Variants in PAGE2 observed in about 807,000 individuals in gnomAD.
PAGE2 encodes the protein P antigen family member 2.
A neutral mutation model predicts 7.5 loss-of-function variants in PAGE2; 6 were observed. That is an observed-to-expected ratio of 0.80 (90% CI 0.44 to 1.57). The LOEUF (loss-of-function observed/expected upper bound fraction) is 1.57. Among genes scored for constraint, PAGE2 ranks in the 40% most tolerant of loss-of-function variants. The probability of loss-of-function intolerance (pLI) is 0.01; values close to 1 mark genes in which losing one functional copy is unlikely to be tolerated. For missense variants in PAGE2, 72 were observed against 76.4 expected, an observed-to-expected ratio of 0.94 and a Z score of 0.21; for synonymous variants, 22 against 25.4, an observed-to-expected ratio of 0.87 and a Z score of 0.41.
At position 55,089,863 on chromosome X, in the gene PAGE2, G is replaced by A. The variant is rs1244470878; in HGVS notation, c.-8-150G>A. On this transcript the variant is annotated intron_variant, in intron 1 of 4. Coordinates refer to ENST00000374968, the MANE Select transcript of PAGE2 (RefSeq NM_207339.4). ...AACAAATCTGTCCTTAGTTTGATTC[G>A]AAAGCATGTGTACTTATCATTGCTC... 6 of 443,674 alleles carry A rather than the reference G, an allele frequency of 1.4e-5. No individual in the cohort carries two copies. In the East Asian group the frequency reaches 2.0e-4, roughly 15 times the overall value. 36.6% of individuals were successfully genotyped at this position (443,674 alleles called of 1,213,427 possible).
At position 55,089,092 on chromosome X, in the gene PAGE2, A is replaced by G. The variant is rs745318736; in HGVS notation, c.-20A>G. ...CCATCTTGATTCTTTCTCACTGACCAAGACTCAGCCGGTAGGTCTGCAGAA... is the reference window on the plus strand; with the variant it reads ...CCATCTTGATTCTTTCTCACTGACCGAGACTCAGCCGGTAGGTCTGCAGAA... On this transcript the variant is annotated 5_prime_UTR_variant, in exon 1 of 5. Coordinates refer to ENST00000374968, the MANE Select transcript of PAGE2 (RefSeq NM_207339.4). 50 of 111,856 alleles carry G rather than the reference A, an allele frequency of 4.5e-4. No homozygotes were observed. The highest frequency in any genetic ancestry group is 1.1e-3 in the East Asian group (4 of 3,575). 9.2% of individuals were successfully genotyped at this position (111,856 alleles called of 1,213,427 possible).
At position 55,090,574 on chromosome X, in the gene PAGE2, G is replaced by T. The variant is rs1936647194; in HGVS notation, c.157G>T (p.Gly53Trp). The T allele has an allele frequency of 2.5e-6, 3 of 1,206,779 alleles. No individual in the cohort carries two copies. The highest frequency in any genetic ancestry group is 5.9e-5 in the East Asian group (2 of 33,797). ...TGATAATCAGGGTATTGCACCTAGT[G>T]GGGAGATTGAAAATCAAGCAGTGCC... ...PTDNQGIAPS[G>W]EIENQAVPAF... Residue 53 changes from glycine to tryptophan, a missense_variant, in exon 3 of 5, where the codon GGG becomes TGG. Transcript: ENST00000374968.
chrX:55,089,479 C>T (rs752829803), intron 1 of PAGE2, among the ~76,000 whole-genome samples: 12 of 110,146 alleles, frequency 1.1e-4, no homozygotes, highest in Non-Finnish European at 2.1e-4. Context: ...ACTGGGAGCG[C>T]GGTGGGCTGG....
Position 55,090,549 on chromosome X carries a change from T to G in PAGE2, c.132T>G (p.Thr44=), listed in dbSNP as rs1936646911. 1 of 1,204,725 alleles carries G rather than the reference T, an allele frequency of 8.3e-7. No homozygotes were observed. The highest frequency in any genetic ancestry group is 1.1e-6 in the Non-Finnish European group (1 of 893,633). ...AACGTCAAGAAGAGGAACCACCAACTGATAATCAGGGTATTGCACCTAGTG... is the reference window on the plus strand; with the variant it reads ...AACGTCAAGAAGAGGAACCACCAACGGATAATCAGGGTATTGCACCTAGTG... ...EEKRQEEEPP[T]DNQGIAPSGE... Residue 44 remains threonine, a synonymous_variant, in exon 3 of 5, where the codon ACT becomes ACG. Transcript: ENST00000374968.
chrX:55,090,702 G>A, intron 3 of PAGE2, 92 bp downstream of exon 3: 1 of 546,183 alleles, frequency 1.8e-6, no homozygotes, highest in Middle Eastern at 3.4e-4. Context: ...AGGACAGAAA[G>A]CATTAGGAAG....
intron 1 of PAGE2, 130 bp from the exon 2 acceptor site, chrX:55,089,883 T>A (rs1936638275): frequency 3.8e-6 from 2 of 522,134 alleles, no homozygotes; most frequent in South Asian, 6.6e-5. Context: ...GTACTTATCA[T>A]TGCTCTGTGA....
At position 55,090,048 on chromosome X, in the gene PAGE2, C is replaced by G; in HGVS notation, c.28C>G (p.Gln10Glu). ...GAGTGAGCTTCTAAGAGCAAGATCC[C>G]AATCCTCAGAAAGAGGAAATGACCA... MSELLRARS[Q>E]SSERGNDQES... The change falls in exon 2 of 5, where the codon CAA (glutamine) becomes GAA (glutamate). Residue 10 changes from glutamine (Q) to glutamate (E), a missense_variant. Physicochemically the swap from Gln to Glu is conservative, Grantham distance 29. Coordinates refer to ENST00000374968, the MANE Select transcript of PAGE2 (RefSeq NM_207339.4). The G allele has an allele frequency of 8.3e-7, 1 of 1,202,829 alleles. No homozygotes were observed. The highest frequency in any genetic ancestry group is 1.1e-6 in the Non-Finnish European group (1 of 889,337).
chrX:55,090,412 A>T, intron 2 of PAGE2, 90 bp from the exon 3 acceptor site: 1 of 886,334 alleles, frequency 1.1e-6, no homozygotes, highest in Non-Finnish European at 1.6e-6. Flanking sequence ...TATGTTGGAA[A>T]AATGTCTTTA....
chrX:55,089,796 A>G (rs1425750955), intron 1 of PAGE2, among the ~76,000 whole-genome samples: 24 of 110,855 alleles, frequency 2.2e-4, no homozygotes, highest in African/African-American at 8.1e-4. Flanking sequence ...GTCTTTTGCT[A>G]TGGCGTTAAG....
chrX:55,091,553 C>A, intron 4 of PAGE2, 96 bp downstream of exon 4: 1 of 1,142,642 alleles, frequency 8.8e-7, no homozygotes, highest in Non-Finnish European at 1.2e-6. Flanking sequence ...TAATATCATA[C>A]TTCACGTCTG....
At chrX:55,090,251 C>T (rs1361276512) in intron 2 of PAGE2, 147 bp downstream of exon 2, 78 of 682,496 alleles carry the variant, frequency 1.1e-4, no homozygotes, top group South Asian at 6.1e-5. Context: ...TTCAGGAATA[C>T]TATATTCTGG....
At chrX:55,089,963 ATAAC>A (rs1557255214) in intron 1 of PAGE2, 46 bp from the exon 2 acceptor site, 7 of 967,299 alleles carry the variant, frequency 7.2e-6, no homozygotes, top group Non-Finnish European at 8.7e-6. Context: ...GTTCATATAT[ATAAC>A]TAAGTTCTTA....
chrX:55,090,383 G>A (rs372565285), intron 2 of PAGE2, 119 bp from the exon 3 acceptor site: 1 of 685,061 alleles, frequency 1.5e-6, no homozygotes, highest in Non-Finnish European at 2.2e-6. Flanking sequence ...CTATCTATAT[G>A]TGTGTGTATG....
Position 55,090,527 on chromosome X carries a change from G to A in PAGE2, c.110G>A (p.Arg37His). Residue 37 changes from arginine to histidine, a missense_variant, in exon 3 of 5, where the codon CGT (arginine) becomes CAT (histidine). Arg to His is a conservative substitution (Grantham distance 29, BLOSUM62 0). Coordinates refer to ENST00000374968, the MANE Select transcript of PAGE2 (RefSeq NM_207339.4). ...VIVQEPTEEK[R>H]QEEEPPTDNQ... is the part of the protein sequence containing the mutation. Reference sequence around the variant, plus strand: ...GTCCAGGAGCCCACTGAGGAAAAACGTCAAGAAGAGGAACCACCAACTGAT... The same window carrying A: ...GTCCAGGAGCCCACTGAGGAAAAACATCAAGAAGAGGAACCACCAACTGAT... 8.3e-7 allele frequency: 1 copy of A among 1,205,978 alleles called. No individual in the cohort carries two copies. The highest frequency in any genetic ancestry group is 1.8e-5 in the African/African-American group (1 of 55,949).
At chrX:55,091,734 A>C (rs1936658549) in intron 4 of PAGE2, among the ~76,000 whole-genome samples, 1 of 80,136 alleles carries the variant, frequency 1.2e-5, no homozygotes, top group African/African-American at 3.7e-5. Flanking sequence ...GGTCAAAACT[A>C]ATTGGATTAC....
At chrX:55,089,978 C>T (rs1158877860) in intron 1 of PAGE2, 35 bp from the exon 2 acceptor site, 3 of 1,056,181 alleles carry the variant, frequency 2.8e-6, no homozygotes, top group Admixed American at 2.3e-5. Flanking sequence ...TAAGTTCTTA[C>T]ACACTTTTTC....
intron 1 of PAGE2, among the ~76,000 whole-genome samples, chrX:55,089,638 G>T (rs1043504387): frequency 1.9e-5 from 2 of 106,006 alleles, no homozygotes; most frequent in African/African-American, 7.8e-5. Context: ...ACTTGATTTT[G>T]AGAGGGGTGT....
rs2270532 is a variant in PAGE2 at position 55,089,430 on chromosome X, G to A, written c.-9+327G>A. On this transcript the variant is annotated intron_variant, in intron 1 of 4. Coordinates refer to ENST00000374968, the MANE Select transcript of PAGE2 (RefSeq NM_207339.4). ...TTTCCAAACTCCTCAGTAGGGACGC[G>A]GGAAGGGACCGTGTGGTCAGTAACG... 9.4e-4 allele frequency among the ~76,000 whole-genome samples: 104 copies of A among 110,462 alleles called. No individual in the cohort carries two copies. The East Asian group carries it at 0.024, about 25-fold the overall frequency.
Position 55,091,088 on chromosome X carries a change from T to C in PAGE2, c.194-244T>C, listed in dbSNP as rs150458592. Among the ~76,000 whole-genome samples, 36 of 111,374 alleles carry C rather than the reference T, an allele frequency of 3.2e-4. 1 individual carries two copies. In the East Asian group the frequency reaches 9.8e-3, roughly 30 times the overall value. On this transcript the variant is annotated intron_variant, in intron 3 of 4. Coordinates refer to ENST00000374968, the MANE Select transcript of PAGE2 (RefSeq NM_207339.4). ...CAGACTGACTCAAACAAATGGCTGA[T>C]TTAATGTGATAAGAATAAGAACAAA...
Sources: allele counts gnomAD v4.1 joint callset (sites outside exome capture counted in the v4.1 genomes callset), GRCh38; gene constraint gnomAD v4.1.1; transcripts MANE v1.5; gene names NCBI Gene and HGNC (gene_info 2026-07-23, HGNC 2026-07-21).